PHF21A: variants seen among roughly 807,000 people sequenced by gnomAD.
PHF21A encodes the protein BHC80a.
In PHF21A, 11 loss-of-function variants were observed where a neutral mutation model predicts 82.5. That is an observed-to-expected ratio of 0.13 (90% CI 0.08 to 0.22). PHF21A has a LOEUF of 0.22. PHF21A is among the 10% of genes least tolerant of loss of function. PHF21A has a pLI of 1.00. For synonymous variants in PHF21A, 297 were observed against 302.8 expected (o/e 0.98, Z 0.20); for missense variants, 579 against 837.8 (o/e 0.69, Z 3.81).
intron 6 of PHF21A, among the ~76,000 whole-genome samples, chr11:46,065,151 T>C (rs1356923151): frequency 6.6e-6 from 1 of 152,182 alleles, no homozygotes; most frequent in African/African-American, 2.4e-5. Flanking sequence ...TTTGTTTAGG[T>C]ATCTAGCTTC....
chr11:45,965,192 C>A, intron 10 of PHF21A, 123 bp downstream of exon 10: 1 of 790,740 alleles, frequency 1.3e-6, no homozygotes, highest in Non-Finnish European at 2.0e-6. Context: ...ACATAAGCGA[C>A]AGCTTACTGA....
chr11:45,992,980 C>A (rs570942420), intron 6 of PHF21A, among the ~76,000 whole-genome samples: 6 of 152,250 alleles, frequency 3.9e-5, no homozygotes, highest in African/African-American at 1.2e-4. Flanking sequence ...GAGTAGAGGT[C>A]AGAAAACTGA....
At chr11:45,985,534 A>G (rs1048154306) in intron 6 of PHF21A, among the ~76,000 whole-genome samples, 1 of 152,234 alleles carries the variant, frequency 6.6e-6, no homozygotes, top group African/African-American at 2.4e-5. Flanking sequence ...TGGAGGGGAT[A>G]GTCCAGGCAA....
At chr11:45,948,633 A>G (rs940712400) in intron 14 of PHF21A, among the ~76,000 whole-genome samples, 2 of 152,254 alleles carry the variant, frequency 1.3e-5, no homozygotes, top group African/African-American at 4.8e-5. Flanking sequence ...CTTGGGGCAG[A>G]AATGCTACAT....
At chr11:45,943,014 C>G (rs1301118261) in intron 15 of PHF21A, among the ~76,000 whole-genome samples, 1 of 151,984 alleles carries the variant, frequency 6.6e-6, no homozygotes, top group East Asian at 1.9e-4. Flanking sequence ...CATTCTTTTT[C>G]TCATAACCTA....
intron 6 of PHF21A, among the ~76,000 whole-genome samples, chr11:46,015,258 A>T (rs1473358277): frequency 6.6e-6 from 1 of 152,110 alleles, no homozygotes; most frequent in Non-Finnish European, 1.5e-5. Flanking sequence ...TTTGTTGGCT[A>T]CATAGACTGC....
chr11:45,957,836 C>T (rs533328383), intron 10 of PHF21A, among the ~76,000 whole-genome samples: 1 of 145,208 alleles, frequency 6.9e-6, no homozygotes, highest in African/African-American at 2.5e-5. Flanking sequence ...CTCAACAAAA[C>T]CAAAAGGTGA....
chr11:46,052,095 A>C (rs1233554966), intron 6 of PHF21A, among the ~76,000 whole-genome samples: 1 of 152,224 alleles, frequency 6.6e-6, no homozygotes, highest in South Asian at 2.1e-4. Context: ...AGGGGACTCC[A>C]GTTCCCTGGC....
At chr11:45,989,490 T>TAAA (rs57370032) in intron 6 of PHF21A, among the ~76,000 whole-genome samples, 17,082 of 100,724 alleles carry the variant, frequency 0.17, 1,794 homozygotes, top group Non-Finnish European at 0.2. Context: ...CCATCTCTAC[T>TAAA]AAAAAAAAAA....
chr11:46,047,476 A>T (rs2096274719), intron 6 of PHF21A, among the ~76,000 whole-genome samples: 1 of 152,192 alleles, frequency 6.6e-6, no homozygotes, highest in Non-Finnish European at 1.5e-5. Context: ...CTGGATAAAG[A>T]AACCGAGACA....
intron 1 of PHF21A, among the ~76,000 whole-genome samples, chr11:46,107,591 G>A (rs1452912814): frequency 2.0e-5 from 3 of 152,160 alleles, no homozygotes; most frequent in African/African-American, 4.8e-5. Context: ...GAAGCATAAA[G>A]CACCTTAGAT....
intron 6 of PHF21A, among the ~76,000 whole-genome samples, chr11:46,059,576 A>AC (rs570406346): frequency 3.5e-3 from 533 of 151,606 alleles, no homozygotes; most frequent in African/African-American, 0.012. Flanking sequence ...CACACATGCC[A>AC]CCACACCTGG....
intron 6 of PHF21A, among the ~76,000 whole-genome samples, chr11:45,990,317 G>A (rs2094647956): frequency 6.9e-6 from 1 of 145,350 alleles, no homozygotes; most frequent in Non-Finnish European, 1.5e-5. Context: ...GGAGTGCAGT[G>A]GCATGATCTG....
At chr11:46,014,066 A>G (rs61882534) in intron 6 of PHF21A, among the ~76,000 whole-genome samples, 19,431 of 152,160 alleles carry the variant, frequency 0.13, 1,573 homozygotes, top group African/African-American at 0.24. Context: ...TTATAACAGC[A>G]TATTTCATAA....
At chr11:46,071,378 G>A (rs904297130) in intron 6 of PHF21A, among the ~76,000 whole-genome samples, 2 of 152,214 alleles carry the variant, frequency 1.3e-5, no homozygotes, top group African/African-American at 4.8e-5. Flanking sequence ...AAGCAGAGGT[G>A]CCTGGCCAAG....
intron 6 of PHF21A, among the ~76,000 whole-genome samples, chr11:46,002,525 G>GA (rs1323412054): frequency 4.0e-5 from 6 of 150,622 alleles, no homozygotes; most frequent in Non-Finnish European, 7.4e-5. Flanking sequence ...CTATTTGGGG[G>GA]AAAAAAAAAG....
At chr11:45,977,991 G>C (rs970902315) in intron 7 of PHF21A, among the ~76,000 whole-genome samples, 1 of 151,910 alleles carries the variant, frequency 6.6e-6, no homozygotes, top group African/African-American at 2.4e-5. Flanking sequence ...CTGTGCCTTA[G>C]TTTTCTCTTC....
At chr11:46,013,945 C>G (rs2095463951) in intron 6 of PHF21A, among the ~76,000 whole-genome samples, 1 of 152,190 alleles carries the variant, frequency 6.6e-6, no homozygotes. Flanking sequence ...CTATACACTA[C>G]TCTAGACTTT....
rs185926095 is a variant in PHF21A at position 46,099,853 on chromosome 11, G to A, written c.-236-7630C>T. 2.0e-5 allele frequency among the ~76,000 whole-genome samples: 3 copies of A among 152,166 alleles called. No individual in the cohort carries two copies. The East Asian group carries it at 5.8e-4, about 29-fold the overall frequency. On this transcript the variant is annotated intron_variant, in intron 1 of 18. Transcript: ENST00000676320. ...AGAATCTCTTCTCTCTGACTATACA[G>A]GTTTAGCTCCACAACACAAATAAAA... is the stretch of plus-strand genomic sequence containing the variant.
Sources: allele counts gnomAD v4.1 joint callset (sites outside exome capture counted in the v4.1 genomes callset), GRCh38; gene constraint gnomAD v4.1.1; transcripts MANE v1.5; gene names NCBI Gene and HGNC (gene_info 2026-07-23, HGNC 2026-07-21).